The following SLIT3 variants were observed in gnomAD, a reference collection of about 807,000 sequenced individuals.
SLIT3 encodes the protein slit homolog 3 protein.
A neutral mutation model predicts 184.0 loss-of-function variants in SLIT3; 68 were observed. That is an observed-to-expected ratio of 0.37 (90% CI 0.30 to 0.45). SLIT3 has a LOEUF of 0.45. SLIT3 is among the 20% of genes least tolerant of loss of function. The pLI is 1.00. For synonymous variants in SLIT3, 831 were observed against 828.6 expected (o/e 1.00, Z -0.05); for missense variants, 1,707 against 2,026.0 (o/e 0.84, Z 3.02).
At chr5:169,092,126 G>C (rs1759611813) in intron 4 of SLIT3, among the ~76,000 whole-genome samples, 1 of 152,200 alleles carries the variant, frequency 6.6e-6, no homozygotes, top group East Asian at 1.9e-4. Context: ...CGGAGGCTGA[G>C]GCAGGAGAAT....
intron 4 of SLIT3, among the ~76,000 whole-genome samples, chr5:168,913,115 C>G (rs1761307052): frequency 6.6e-6 from 1 of 152,304 alleles, no homozygotes; most frequent in Non-Finnish European, 1.5e-5. Context: ...GCCTGTACTG[C>G]CCATCGCACC....
intron 4 of SLIT3, among the ~76,000 whole-genome samples, chr5:168,896,692 G>T (rs1312404947): frequency 6.6e-6 from 1 of 152,216 alleles, no homozygotes; most frequent in African/African-American, 2.4e-5. Context: ...TACGAGGCTG[G>T]TTGGAAAATG....
At chr5:169,105,550 A>G (rs1250210053) in intron 4 of SLIT3, among the ~76,000 whole-genome samples, 1 of 152,208 alleles carries the variant, frequency 6.6e-6, no homozygotes, top group African/African-American at 2.4e-5. Flanking sequence ...GGCAGCTTCA[A>G]GGGCATCAGG....
intron 6 of SLIT3, among the ~76,000 whole-genome samples, chr5:168,834,524 T>G (rs1346707889): frequency 6.6e-6 from 1 of 151,046 alleles, no homozygotes; most frequent in East Asian, 2.0e-4. Flanking sequence ...AAACCCCGTC[T>G]CTACTAAAAA....
At chr5:168,811,330 G>T (rs1010756755) in intron 8 of SLIT3, among the ~76,000 whole-genome samples, 1 of 152,164 alleles carries the variant, frequency 6.6e-6, no homozygotes, top group Non-Finnish European at 1.5e-5. Context: ...CATGATTTAG[G>T]TTCCATTCTT....
chr5:168,998,047 C>G (rs1755573615), intron 4 of SLIT3, among the ~76,000 whole-genome samples: 2 of 152,036 alleles, frequency 1.3e-5, no homozygotes, highest in African/African-American at 4.8e-5. Flanking sequence ...TATTCAAAGC[C>G]AGGTGGAAGC....
chr5:169,251,528 G>C (rs1459567483), intron 1 of SLIT3, 69 bp from the exon 2 acceptor site: 6 of 1,050,190 alleles, frequency 5.7e-6, no homozygotes, highest in Non-Finnish European at 9.0e-6. Flanking sequence ...ATCCAGACTG[G>C]CTTGGACTGA....
At chr5:169,267,031 A>G (rs1766419988) in intron 1 of SLIT3, among the ~76,000 whole-genome samples, 2 of 152,334 alleles carry the variant, frequency 1.3e-5, no homozygotes, top group African/African-American at 2.4e-5. Flanking sequence ...GCAGGAGCCA[A>G]TCTACAATGA....
chr5:169,014,521 G>A (rs578069627), intron 4 of SLIT3, among the ~76,000 whole-genome samples: 46 of 152,238 alleles, frequency 3.0e-4, no homozygotes, highest in African/African-American at 9.9e-4. Flanking sequence ...ACGTCAAGCC[G>A]GCTTCCTCCA....
At chr5:168,999,658 G>T (rs1755636205) in intron 4 of SLIT3, among the ~76,000 whole-genome samples, 1 of 152,230 alleles carries the variant, frequency 6.6e-6, no homozygotes, top group Non-Finnish European at 1.5e-5. Context: ...CCTATAGGGT[G>T]AGAGGGTGAA....
At chr5:169,165,849 A>G (rs1018518362) in intron 4 of SLIT3, among the ~76,000 whole-genome samples, 1 of 152,236 alleles carries the variant, frequency 6.6e-6, no homozygotes, top group African/African-American at 2.4e-5. Context: ...CCATTAGAAT[A>G]TGAGCCCTCT....
At chr5:169,080,167 G>C (rs1758969787) in intron 4 of SLIT3, among the ~76,000 whole-genome samples, 2 of 152,032 alleles carry the variant, frequency 1.3e-5, no homozygotes, top group Non-Finnish European at 2.9e-5. Flanking sequence ...GGGGATACTA[G>C]CCAGACCCAC....
intron 5 of SLIT3, among the ~76,000 whole-genome samples, chr5:168,881,681 G>A (rs1759958408): frequency 6.6e-6 from 1 of 152,128 alleles, no homozygotes; most frequent in African/African-American, 2.4e-5. Context: ...TGGAATGCAT[G>A]GAACGAAATA....
chr5:168,956,413 G>A (rs1317670248), intron 4 of SLIT3, among the ~76,000 whole-genome samples: 1 of 152,112 alleles, frequency 6.6e-6, no homozygotes, highest in Admixed American at 6.5e-5. Flanking sequence ...CTGACACAAA[G>A]TATATATGAT....
At chr5:168,806,005 C>T (rs939506938) in intron 9 of SLIT3, among the ~76,000 whole-genome samples, 11 of 152,262 alleles carry the variant, frequency 7.2e-5, no homozygotes, top group Middle Eastern at 3.4e-3. Flanking sequence ...AGCTAGTAAA[C>T]GGTATGGCCA....
intron 3 of SLIT3, among the ~76,000 whole-genome samples, chr5:169,211,869 G>A (rs1235485794): frequency 6.6e-6 from 1 of 152,146 alleles, no homozygotes; most frequent in Admixed American, 6.5e-5. Context: ...TCCCATTTAT[G>A]AGTGAGAACA....
intron 1 of SLIT3, among the ~76,000 whole-genome samples, chr5:169,293,334 A>G (rs1767411166): frequency 6.6e-6 from 1 of 152,118 alleles, no homozygotes; most frequent in Non-Finnish European, 1.5e-5. Flanking sequence ...ATCACTAGAT[A>G]TCATCAAGCA....
At chr5:168,746,737 TGTGCG>T (rs1754457306) in intron 20 of SLIT3, among the ~76,000 whole-genome samples, 1 of 56,874 alleles carries the variant, frequency 1.8e-5, no homozygotes, top group Non-Finnish European at 3.3e-5. Flanking sequence ...TGTGTGGTGG[TGTGCG>T]GTGGTGTGGG....
intron 11 of SLIT3, among the ~76,000 whole-genome samples, chr5:168,787,042 A>C (rs1347831432): frequency 3.3e-5 from 5 of 152,242 alleles, no homozygotes; most frequent in Admixed American, 6.5e-5. Context: ...GTAAATGGGC[A>C]TGATAAACCA....
Sources: gnomAD v4.1 joint callset for allele counts (sites outside exome capture counted in the v4.1 genomes callset) on GRCh38, gnomAD v4.1.1 for gene constraint, MANE v1.5 for transcripts, NCBI Gene and HGNC (gene_info 2026-07-23, HGNC 2026-07-21) for gene names.